The following AUTS2 variants were observed in gnomAD, a reference collection of about 807,000 sequenced individuals.
AUTS2 encodes the protein activator of transcription and developmental regulator AUTS2.
In AUTS2, 17 loss-of-function variants were observed where a neutral mutation model predicts 112.4. The observed-to-expected ratio is 0.15, with a 90% confidence interval of 0.10 to 0.23. The LOEUF is 0.23. AUTS2 is among the 10% of genes least tolerant of loss of function. The pLI is 1.00. For synonymous variants in AUTS2, 751 were observed against 702.7 expected (o/e 1.07, Z -1.09); for missense variants, 1,510 against 1,701.6 (o/e 0.89, Z 1.98).
chr7:69,684,034 A>T lies in AUTS2; in HGVS notation c.309+84072A>T, dbSNP rs563277411. On this transcript the variant is annotated intron_variant, in intron 1 of 18. Coordinates refer to ENST00000342771, the MANE Select transcript of AUTS2 (RefSeq NM_015570.4). ...TAAAATGAAGGGCCCAGATCAGGGG[A>T]TGCTTAAGGGCTTTGCAAGTTCTAA... 1.1e-4 allele frequency among the ~76,000 whole-genome samples: 16 copies of T among 152,302 alleles called. No homozygotes were observed. The South Asian group carries it at 3.3e-3, about 32-fold the overall frequency.
intron 13 of AUTS2, among the ~76,000 whole-genome samples, chr7:70,775,872 A>G (rs1260932427): frequency 6.6e-6 from 1 of 152,166 alleles, no homozygotes; most frequent in Non-Finnish European, 1.5e-5. Flanking sequence ...CTTAAAGCAA[A>G]TTGTTCTCGA....
intron 2 of AUTS2, among the ~76,000 whole-genome samples, chr7:69,998,075 C>T (rs1205327737): frequency 6.6e-6 from 1 of 152,116 alleles, no homozygotes; most frequent in Non-Finnish European, 1.5e-5. Context: ...TTTTTGAATA[C>T]ACCCAATTTC....
chr7:69,933,924 A>G (rs1442938287), intron 2 of AUTS2, among the ~76,000 whole-genome samples: 3 of 152,252 alleles, frequency 2.0e-5, no homozygotes. Flanking sequence ...CCGTACTTAG[A>G]AGACTAAAAC....
chr7:70,685,472 C>CAAAAA (rs34403837), intron 5 of AUTS2, among the ~76,000 whole-genome samples: 3 of 65,942 alleles, frequency 4.5e-5, no homozygotes, highest in Non-Finnish European at 9.7e-5. Context: ...GACTCTGTCT[C>CAAAAA]AAAAAAAAAA....
intron 15 of AUTS2, 26 bp from the exon 16 acceptor site, chr7:70,784,916 T>C (rs957513145): frequency 6.2e-7 from 1 of 1,612,754 alleles, no homozygotes; most frequent in Non-Finnish European, 8.5e-7. Context: ...TTGTAAACTC[T>C]GGTTTCGTTA....
At chr7:70,542,713 G>T (rs1475392680) in intron 5 of AUTS2, among the ~76,000 whole-genome samples, 1 of 152,200 alleles carries the variant, frequency 6.6e-6, no homozygotes, top group Non-Finnish European at 1.5e-5. Flanking sequence ...TTCCCATTTA[G>T]CAGATGGGGC....
At chr7:70,043,596 CCTTCCTTCCTTT>C (rs1801356966) in intron 2 of AUTS2, among the ~76,000 whole-genome samples, 1 of 61,602 alleles carries the variant, frequency 1.6e-5, no homozygotes, top group Non-Finnish European at 3.4e-5. Context: ...TTCCTTCCTT[CCTTCCTTCCTTT>C]TTTTTTTTTT....
chr7:70,352,704 A>G (rs1018423201), intron 4 of AUTS2, among the ~76,000 whole-genome samples: 3 of 152,232 alleles, frequency 2.0e-5, no homozygotes, highest in African/African-American at 7.2e-5. Context: ...AACAAATGAG[A>G]TAAGCACAGG....
intron 1 of AUTS2, among the ~76,000 whole-genome samples, chr7:69,868,330 C>G (rs1326721913): frequency 6.6e-6 from 1 of 152,180 alleles, no homozygotes; most frequent in Non-Finnish European, 1.5e-5. Context: ...TGATATATCA[C>G]AAGCACCTGT....
chr7:70,207,686 T>C (rs1367487432), intron 4 of AUTS2, among the ~76,000 whole-genome samples: 1 of 152,110 alleles, frequency 6.6e-6, no homozygotes, highest in Admixed American at 6.5e-5. Flanking sequence ...ATGTAAAGTA[T>C]TTAGCACTGC....
intron 1 of AUTS2, among the ~76,000 whole-genome samples, chr7:69,689,828 C>T (rs1318269329): frequency 6.6e-6 from 1 of 151,256 alleles, no homozygotes. Flanking sequence ...CAGGCATGTG[C>T]CACCATGCCC....
intron 4 of AUTS2, among the ~76,000 whole-genome samples, chr7:70,224,331 G>A (rs796766321): frequency 6.5e-5 from 9 of 138,690 alleles, no homozygotes; most frequent in South Asian, 2.4e-4. Context: ...ATACAGTACA[G>A]TACAATACAA....
At chr7:69,882,564 G>A (rs987580554) in intron 1 of AUTS2, among the ~76,000 whole-genome samples, 5 of 152,194 alleles carry the variant, frequency 3.3e-5, no homozygotes, top group African/African-American at 7.2e-5. Context: ...TCTTTTCATA[G>A]CTATGTGACC....
At chr7:70,289,733 C>T (rs1788625529) in intron 4 of AUTS2, among the ~76,000 whole-genome samples, 1 of 152,160 alleles carries the variant, frequency 6.6e-6, no homozygotes, top group Non-Finnish European at 1.5e-5. Flanking sequence ...CCTTCTAGTT[C>T]ATTCTTAGAA....
chr7:70,259,053 T>C (rs1029773909), intron 4 of AUTS2, among the ~76,000 whole-genome samples: 3 of 152,150 alleles, frequency 2.0e-5, no homozygotes, highest in African/African-American at 7.2e-5. Flanking sequence ...CTCTGATGCC[T>C]TTCCTTTCAA....
chr7:69,803,892 C>T (rs896148146), intron 1 of AUTS2, among the ~76,000 whole-genome samples: 16 of 152,178 alleles, frequency 1.1e-4, no homozygotes, highest in East Asian at 5.8e-4. Context: ...ATTAGCCAGG[C>T]GTGGTTCCAG....
intron 1 of AUTS2, among the ~76,000 whole-genome samples, chr7:69,870,553 A>G (rs1161296818): frequency 6.6e-6 from 1 of 150,664 alleles, no homozygotes; most frequent in African/African-American, 2.4e-5. Flanking sequence ...ACATGTGTTA[A>G]GTACTGTGTT....
chr7:70,062,916 G>A (rs1451602618), intron 2 of AUTS2, among the ~76,000 whole-genome samples: 2 of 152,162 alleles, frequency 1.3e-5, no homozygotes, highest in Non-Finnish European at 2.9e-5. Context: ...TTCCCTGAGG[G>A]CAGGAGACCA....
intron 4 of AUTS2, among the ~76,000 whole-genome samples, chr7:70,212,031 C>CT (rs1260234519): frequency 3.3e-5 from 5 of 152,122 alleles, no homozygotes; most frequent in Non-Finnish European, 5.9e-5. Flanking sequence ...ATTGAGTAGA[C>CT]TTTTTTAGAA....
Sources: allele counts gnomAD v4.1 joint callset (sites outside exome capture counted in the v4.1 genomes callset), GRCh38; gene constraint gnomAD v4.1.1; transcripts MANE v1.5; gene names NCBI Gene and HGNC (gene_info 2026-07-23, HGNC 2026-07-21).